The following ANKRD53 variants were observed in gnomAD, a reference collection of about 807,000 sequenced individuals.
ANKRD53 encodes ankyrin repeat domain 53, also known as ankyrin repeat domain-containing protein 53.
ANKRD53 carries 27 observed loss-of-function variants against 30.1 expected under a neutral mutation model. The observed-to-expected ratio is 0.90, with a 90% confidence interval of 0.66 to 1.24. The LOEUF (loss-of-function observed/expected upper bound fraction) is 1.24. ANKRD53 is among the 50% of genes most tolerant of loss of function. The pLI is 0.00. For missense variants in ANKRD53, 682 were observed against 721.0 expected (o/e 0.95, Z 0.62); for synonymous variants, 286 against 295.4 (o/e 0.97, Z 0.33).
chr2:70,980,090 C>T (rs1207912903), intron 3 of ANKRD53, among the ~76,000 whole-genome samples: 2 of 152,118 alleles, frequency 1.3e-5, no homozygotes, highest in African/African-American at 2.4e-5. Flanking sequence ...CCGAGGCAGG[C>T]GGATCACCTG....
rs781901824 is a variant in ANKRD53, at chr2:70,978,642, C to G, written c.-4C>G. ...CCGGCCCGGGTCCGAGTTCCAGCCC[C>G]GCGATGGCCTCCGCGGGCAGCACCG... On this transcript the variant is annotated 5_prime_UTR_variant, in exon 1 of 6. Coordinates refer to ENST00000360589, the MANE Select transcript of ANKRD53 (RefSeq NM_001115116.2). The surrounding 1 kb of genome is among the most constrained non-coding windows in gnomAD (Gnocchi z 4.3). 6.8e-5 allele frequency: 104 copies of G among 1,526,468 alleles called. No homozygotes were observed. In the African/African-American group the frequency reaches 1.4e-3, roughly 20 times the overall value. The allele number at this position is 1,526,468 out of a possible 1,614,324, so 94.6% of individuals were successfully genotyped here.
chr2:70,978,964 G>A lies in ANKRD53; in HGVS notation c.171-133G>A. The A allele has an allele frequency of 6.9e-7, 1 of 1,443,548 alleles. No homozygotes were observed. The highest frequency in any genetic ancestry group is 9.1e-7 in the Non-Finnish European group (1 of 1,097,716). 89.4% of individuals were successfully genotyped at this position (1,443,548 alleles called of 1,614,324 possible). A position where few individuals can be genotyped will look rare whatever the true frequency, so the allele number is the denominator to read the frequency against. ...GCTGGGGCCAGGGATCGCCTCCCGAGAGGTGCCTAGGCCGTGGCCCAGAGT... is the reference window on the plus strand; with the variant it reads ...GCTGGGGCCAGGGATCGCCTCCCGAAAGGTGCCTAGGCCGTGGCCCAGAGT... On this transcript the variant is annotated intron_variant, in intron 1 of 5. Coordinates refer to ENST00000360589, the MANE Select transcript of ANKRD53 (RefSeq NM_001115116.2). The surrounding 1 kb of genome is among the most constrained non-coding windows in gnomAD (Gnocchi z 4.3).
rs369292268 is a variant in ANKRD53, at chr2:70,982,111, G to A, written c.782+11G>A. On this transcript the variant is annotated intron_variant, in intron 4 of 5. Coordinates refer to ENST00000360589, the MANE Select transcript of ANKRD53 (RefSeq NM_001115116.2). This position sits in a 1 kb window ranked among gnomAD's most constrained non-coding sequence, Gnocchi z 4.2. ...CCGTGCCTGTGCCCGGTGAGAGTGT[G>A]AGAACCACCTGGAGCCTGCCCACCC... The A allele has an allele frequency of 1.9e-6, 3 of 1,594,604 alleles. No homozygotes were observed. The African/African-American group carries it at 4.0e-5, about 21-fold the overall frequency.
rs530689129 is a variant in ANKRD53 at position 70,982,184 on chromosome 2, C to T, written c.782+84C>T. ...CCCTAGGGCCCTCACCACAGCTGAG[C>T]CTTTAAGGGGAGGGTTGGGAAGCCA... On this transcript the variant is annotated intron_variant, in intron 4 of 5. Transcript: ENST00000360589. This position sits in a 1 kb window ranked among gnomAD's most constrained non-coding sequence, Gnocchi z 4.2. 3.0e-4 allele frequency: 430 copies of T among 1,452,204 alleles called. No homozygotes were observed. Among genetic ancestry groups the T allele is most frequent in the Admixed American group, 1.2e-3 (50 of 40,718 alleles). The allele number at this position is 1,452,204 out of a possible 1,614,324, so 90.0% of individuals were successfully genotyped here.
chr2:70,985,275 T>C lies in ANKRD53; in HGVS notation c.1568T>C (p.Leu523Pro), dbSNP rs61732279. The change falls in exon 6 of 6, where the codon CTG (leucine) becomes CCG (proline). Residue 523 changes from leucine to proline, a missense_variant. Transcript: ENST00000360589. Reference protein sequence around the residue: ...AVRSHQGLPTLPSPQTNP With the variant: ...AVRSHQGLPTPPSPQTNP ...CGATCTCATCAAGGACTCCCCACCCTGCCCTCCCCACAAACCAACCCATAA... is the reference window on the plus strand; with the variant it reads ...CGATCTCATCAAGGACTCCCCACCCCGCCCTCCCCACAAACCAACCCATAA... The C allele has an allele frequency of 0.26, 301,182 of 1,160,058 alleles. 28,624 individuals carry two copies. Among genetic ancestry groups the C allele is most frequent in the Non-Finnish European group, 0.29 (241,337 of 825,546 alleles). 71.9% of individuals were successfully genotyped at this position (1,160,058 alleles called of 1,614,324 possible).
intron 5 of ANKRD53, chr2:70,983,974 G>A (rs1453426306): frequency 4.4e-6 from 3 of 687,192 alleles, no homozygotes; most frequent in Non-Finnish European, 7.6e-6. Flanking sequence ...AGGCTCCGTG[G>A]AGGCAAGGAC....
In ANKRD53 at chr2:70,985,068, T is replaced by G; in HGVS notation, c.1361T>G (p.Val454Gly). Reference sequence around the variant, plus strand: ...CCCGTGCCGCGGCTGCCTTTTGAGGTGCTGCTGCGCATGCTGTACCCACGT... The same window carrying G: ...CCCGTGCCGCGGCTGCCTTTTGAGGGGCTGCTGCGCATGCTGTACCCACGT... ...VAPVPRLPFE[V>G]LLRMLYPRVW... The change falls in exon 6 of 6, where the codon GTG becomes GGG. Residue 454 changes from valine (V) to glycine (G), a missense_variant. By Grantham distance (109) the Val-to-Gly change is moderately radical. Coordinates refer to ENST00000360589, the MANE Select transcript of ANKRD53 (RefSeq NM_001115116.2). The G allele has an allele frequency of 6.5e-7, 1 of 1,550,356 alleles. No homozygotes were observed. The highest frequency in any genetic ancestry group is 8.7e-7 in the Non-Finnish European group (1 of 1,146,980).
intron 3 of ANKRD53, among the ~76,000 whole-genome samples, 173 bp downstream of exon 3, chr2:70,980,033 T>TA (rs1296630530): frequency 1.3e-5 from 2 of 152,194 alleles, no homozygotes; most frequent in African/African-American, 4.8e-5. Context: ...GACTGGGCTT[T>TA]AGCCGGGCAT....
chr2:70,979,198 G>T lies in ANKRD53; in HGVS notation c.272G>T (p.Ser91Ile). The change falls in exon 2 of 6, where the codon AGC (serine) becomes ATC (isoleucine). Residue 91 changes from serine (S) to isoleucine (I), a missense_variant. By Grantham distance (142) the Ser-to-Ile change is moderately radical (BLOSUM62 -2). Coordinates refer to ENST00000360589, the MANE Select transcript of ANKRD53 (RefSeq NM_001115116.2). ...ASLTPPRADP[S>I]PSKESDQTAI... Reference sequence around the variant, plus strand: ...CTCACCCCGCCCCGCGCTGACCCCAGCCCCAGCAAGGAGTCCGACCAGACG... The same window carrying T: ...CTCACCCCGCCCCGCGCTGACCCCATCCCCAGCAAGGAGTCCGACCAGACG... 6.2e-7 allele frequency: 1 copy of T among 1,613,038 alleles called. No individual in the cohort carries two copies. Among genetic ancestry groups the T allele is most frequent in the Non-Finnish European group, 8.5e-7 (1 of 1,179,880 alleles).
rs200334183 is a variant in ANKRD53 at position 70,978,781 on chromosome 2, G to A, written c.136G>A (p.Ala46Thr). 4 of 1,572,158 alleles carry A rather than the reference G, an allele frequency of 2.5e-6. No individual in the cohort carries two copies. Among genetic ancestry groups the A allele is most frequent in the Middle Eastern group, 1.9e-4 (1 of 5,346 alleles). ...MQQANKVSLKATWTDAESKQP... is the reference protein window; with the variant it reads ...MQQANKVSLKTTWTDAESKQP... ...GCAGGCGAACAAAGTCTCCTTGAAG[G>A]CCACCTGGACTGACGCGGAGTCCAA... The change falls in exon 1 of 6, where the codon GCC becomes ACC. Residue 46 changes from alanine (A) to threonine (T), a missense_variant. Coordinates refer to ENST00000360589, the MANE Select transcript of ANKRD53 (RefSeq NM_001115116.2). The surrounding 1 kb of genome is among the most constrained non-coding windows in gnomAD (Gnocchi z 4.3).
At chr2:70,980,090 CG>C (rs1669961264) in intron 3 of ANKRD53, among the ~76,000 whole-genome samples, 1 of 152,118 alleles carries the variant, frequency 6.6e-6, no homozygotes, top group African/African-American at 2.4e-5. Context: ...CCGAGGCAGG[CG>C]GATCACCTGA....
At chr2:70,978,498 C>T (rs1669891343), upstream of ANKRD53, 2 of 955,390 alleles carry the variant, frequency 2.1e-6, no homozygotes, top group Non-Finnish European at 2.9e-6. This position sits in a 1 kb window ranked among gnomAD's most constrained non-coding sequence, Gnocchi z 4.3. Context: ...CCGGGCTCTG[C>T]CCCTCCAGCT....
chr2:70,979,829 T>C lies in ANKRD53; in HGVS notation c.586T>C (p.Tyr196His), dbSNP rs781831727. 3.1e-6 allele frequency: 5 copies of C among 1,614,228 alleles called. No homozygotes were observed. Among genetic ancestry groups the C allele is most frequent in the Non-Finnish European group, 4.2e-6 (5 of 1,180,040 alleles). The change falls in exon 3 of 6, where the codon TAC becomes CAC. Residue 196 changes from tyrosine to histidine, a missense_variant. Coordinates refer to ENST00000360589, the MANE Select transcript of ANKRD53 (RefSeq NM_001115116.2). ...NTTVALPCIY[Y>H]LLEKGADLNA... The stretch of plus-strand genomic sequence containing the variant: ...CACCGTGGCCCTCCCCTGCATCTAC[T>C]ACCTGCTGGAGAAAGGCGCAGACCT...
rs782754209 is a variant in ANKRD53 at position 70,984,585 on chromosome 2, C to T, written c.904-26C>T. The T allele has an allele frequency of 2.5e-6, 4 of 1,607,806 alleles. No homozygotes were observed. In the African/African-American group the frequency reaches 4.0e-5, roughly 16 times the overall value. Reference sequence around the variant, plus strand: ...AGCAGAGGGCAGCAGTCCTCCATGACTCTCTTGTGCCCTCTGTTGTTGCAG... The same window carrying T: ...AGCAGAGGGCAGCAGTCCTCCATGATTCTCTTGTGCCCTCTGTTGTTGCAG... On this transcript the variant is annotated intron_variant, in intron 5 of 5. Transcript: ENST00000360589.
chr2:70,985,319 T>TC lies in ANKRD53; in HGVS notation c.*24dup. On this transcript the variant is annotated 3_prime_UTR_variant, in exon 6 of 6. Transcript: ENST00000360589. Reference sequence around the variant, plus strand: ...CCCATAAAGTTATTATGGCTACCTCTCCCCCTGAGGCAGCCCAGTGAAGGC... The same window carrying TC: ...CCCATAAAGTTATTATGGCTACCTCTCCCCCCTGAGGCAGCCCAGTGAAGGC... The TC allele has an allele frequency of 6.9e-7, 1 of 1,446,756 alleles. No individual in the cohort carries two copies. Among genetic ancestry groups the TC allele is most frequent in the Non-Finnish European group, 9.3e-7 (1 of 1,076,554 alleles). The allele number at this position is 1,446,756 out of a possible 1,614,324, so 89.6% of individuals were successfully genotyped here.
chr2:70,978,910 GC>G lies in ANKRD53; in HGVS notation c.170+96del. 6.9e-7 allele frequency: 1 copy of G among 1,458,136 alleles called. No homozygotes were observed. The highest frequency in any genetic ancestry group is 9.1e-7 in the Non-Finnish European group (1 of 1,102,692). 90.3% of individuals were successfully genotyped at this position (1,458,136 alleles called of 1,614,324 possible). Reference sequence around the variant, plus strand: ...GGGCCTGGAGCGGGCGGGGGCGGAGGCTGCGGCCCGAGAAGCCAGCAGAGAC... The same window carrying G: ...GGGCCTGGAGCGGGCGGGGGCGGAGGTGCGGCCCGAGAAGCCAGCAGAGAC... On this transcript the variant is annotated intron_variant, in intron 1 of 5. Coordinates refer to ENST00000360589, the MANE Select transcript of ANKRD53 (RefSeq NM_001115116.2). This position sits in a 1 kb window ranked among gnomAD's most constrained non-coding sequence, Gnocchi z 4.3.
rs1261902793 is a variant in ANKRD53, at chr2:70,985,034, T to G, written c.1327T>G (p.Trp443Gly). ...GCGGCTGCACACAGTGGACGGCCAC[T>G]GGGTGGCGCCCGTGCCGCGGCTGCC... ...GARLHTVDGH[W>G]VAPVPRLPFE... Residue 443 changes from tryptophan (W) to glycine (G), a missense_variant, in exon 6 of 6, where the codon TGG becomes GGG. Trp to Gly is a radical substitution (Grantham distance 184). Coordinates refer to ENST00000360589, the MANE Select transcript of ANKRD53 (RefSeq NM_001115116.2). 4.5e-6 allele frequency: 7 copies of G among 1,549,384 alleles called. No homozygotes were observed. Among genetic ancestry groups the G allele is most frequent in the Non-Finnish European group, 6.1e-6 (7 of 1,146,734 alleles).
rs782412700 is a variant in ANKRD53 at position 70,979,302 on chromosome 2, T to C, written c.376T>C (p.Cys126Arg). 7 of 1,613,512 alleles carry C rather than the reference T, an allele frequency of 4.3e-6. No individual in the cohort carries two copies. The South Asian group carries it at 5.5e-5, about 13-fold the overall frequency. ...GGGCAACGTGGAATGGCTGCGATTC[T>C]GTCTGAACCAGAGCCTCAGGGAAAT... Reference protein sequence around the residue: ...AVGNVEWLRFCLNQSLREIPT... With the variant: ...AVGNVEWLRFRLNQSLREIPT... The change falls in exon 2 of 6, where the codon TGT (cysteine) becomes CGT (arginine). Residue 126 changes from cysteine (C) to arginine (R), a missense_variant. Cys to Arg is a radical substitution (Grantham distance 180). Transcript: ENST00000360589.
At chr2:70,979,606 G>T in intron 2 of ANKRD53, 55 bp from the exon 3 acceptor site, 1 of 1,533,296 alleles carries the variant, frequency 6.5e-7, no homozygotes, top group South Asian at 1.2e-5. Context: ...ATAAATTGTG[G>T]ACCCTGGGAC....
Sources: gnomAD v4.1 joint callset for allele counts (sites outside exome capture counted in the v4.1 genomes callset) on GRCh38, gnomAD v4.1.1 for gene constraint, Gnocchi (gnomAD v3.1) non-coding constraint, MANE v1.5 for transcripts, NCBI Gene and HGNC (gene_info 2026-07-23, HGNC 2026-07-21) for gene names.